Variants in ZNF787 observed in about 807,000 individuals in gnomAD.
ZNF787 encodes TTF-I-interacting peptide 20.
ZNF787 carries 7 observed loss-of-function variants against 16.9 expected under a neutral mutation model. The ratio of observed to expected loss-of-function variants is 0.42; its 90% confidence interval spans 0.24 to 0.78. ZNF787 has a LOEUF of 0.78. Among genes scored for constraint, ZNF787 ranks in the 30% least tolerant of loss-of-function variants. ZNF787 has a pLI of 0.30. For missense variants in ZNF787, 551 were observed against 589.3 expected, an observed-to-expected ratio of 0.94 and a Z score of 0.67; for synonymous variants, 345 against 270.9, an observed-to-expected ratio of 1.27 and a Z score of -2.69.
rs1361750526 is a variant in ZNF787, at chr19:56,089,066, C to T, written c.106G>A (p.Asp36Asn). 1 of 1,465,302 alleles carries T rather than the reference C, an allele frequency of 6.8e-7. No individual in the cohort carries two copies. Among genetic ancestry groups the T allele is most frequent in the Non-Finnish European group, 9.0e-7 (1 of 1,111,128 alleles). 90.8% of individuals were successfully genotyped at this position (1,465,302 alleles called of 1,614,324 possible). A position where few individuals can be genotyped will look rare whatever the true frequency, so the allele number is the denominator to read the frequency against. ...TTGGTGGGAGGCCAGCTGGGGACGTCGTCATCATCCATGATGAGGATGTCC... is the reference window on the plus strand; with the variant it reads ...TTGGTGGGAGGCCAGCTGGGGACGTTGTCATCATCCATGATGAGGATGTCC... The part of the protein sequence containing the change: ...PVDILIMDDD[D>N]VPSWPPTKLS... Residue 36 changes from aspartate to asparagine, a missense_variant, in exon 3 of 3, where the codon GAC becomes AAC. By Grantham distance (23) the Asp-to-Asn change is conservative. Transcript: ENST00000610935.
chr19:56,114,706 C>CTTCTA (rs2123429623), intron 1 of ZNF787, among the ~76,000 whole-genome samples: 1 of 152,250 alleles, frequency 6.6e-6, no homozygotes, highest in Admixed American at 6.5e-5. Context: ...GGTGATATCA[C>CTTCTA]TTCTATTGGT....
At position 56,087,670 on chromosome 19, in the gene ZNF787, C is replaced by G. The variant is rs1034714143; in HGVS notation, c.*353G>C. 2 of 191,560 alleles carry G rather than the reference C, an allele frequency of 1.0e-5. No individual in the cohort carries two copies. Among genetic ancestry groups the G allele is most frequent in the Admixed American group, 6.1e-5 (1 of 16,334 alleles). 11.9% of individuals were successfully genotyped at this position (191,560 alleles called of 1,614,324 possible). A position where few individuals can be genotyped will look rare whatever the true frequency, so the allele number is the denominator to read the frequency against. Reference sequence around the variant, plus strand: ...TTTCTCCATTCCTCGCAGCACCCCCCACCCCCGCCCCGGACAACTGAGGAA... The same window carrying G: ...TTTCTCCATTCCTCGCAGCACCCCCGACCCCCGCCCCGGACAACTGAGGAA... On this transcript the variant is annotated 3_prime_UTR_variant, in exon 3 of 3. Coordinates refer to ENST00000610935, the MANE Select transcript of ZNF787 (RefSeq NM_001002836.4).
At chr19:56,120,595 G>T (rs1004999071) in intron 1 of ZNF787, among the ~76,000 whole-genome samples, 1 of 151,182 alleles carries the variant, frequency 6.6e-6, no homozygotes, top group Non-Finnish European at 1.5e-5. Context: ...GCCCGCCCGG[G>T]GCAGCAACGG....
At chr19:56,106,421 G>A (rs1011123781) in intron 1 of ZNF787, among the ~76,000 whole-genome samples, 2 of 152,258 alleles carry the variant, frequency 1.3e-5, no homozygotes, top group African/African-American at 2.4e-5. Flanking sequence ...TATTTCTGTG[G>A]ACGTTCGCGT....
At chr19:56,092,011 C>A (rs984075749) in intron 2 of ZNF787, among the ~76,000 whole-genome samples, 76 of 88,540 alleles carry the variant, frequency 8.6e-4, no homozygotes, top group Non-Finnish European at 7.8e-4. Flanking sequence ...GAAGCCAAAG[C>A]CGAAACCGAA....
At chr19:56,120,640 T>TG (rs1173440590) in intron 1 of ZNF787, among the ~76,000 whole-genome samples, 1 of 151,102 alleles carries the variant, frequency 6.6e-6, no homozygotes, top group Non-Finnish European at 1.5e-5. Flanking sequence ...AAGGAAGGGC[T>TG]GGGGGGGCCG....
rs1432502337 is a variant in ZNF787, at chr19:56,088,069, G to GCCT, written c.1100_1102dup (p.Glu367dup). 1.6e-6 allele frequency: 2 copies of GCCT among 1,247,914 alleles called. No homozygotes were observed. Among genetic ancestry groups the GCCT allele is most frequent in the Non-Finnish European group, 2.0e-6 (2 of 976,782 alleles). The allele number at this position is 1,247,914 out of a possible 1,614,324, so 77.3% of individuals were successfully genotyped here. A position where few individuals can be genotyped will look rare whatever the true frequency, so the allele number is the denominator to read the frequency against. ...GCACTCGGGGCACCGCCCGCCCGCG[G>GCCT]CCTCGTCGTCGTCGTCCTCCTCCTC... is the stretch of plus-strand genomic sequence containing the variant. On this transcript the variant is annotated inframe_insertion, in exon 3 of 3. Transcript: ENST00000610935. The surrounding 1 kb of genome is among the most constrained non-coding windows in gnomAD (Gnocchi z 8.6).
At position 56,087,704 on chromosome 19, in the gene ZNF787, A is replaced by C; in HGVS notation, c.*319T>G. On this transcript the variant is annotated 3_prime_UTR_variant, in exon 3 of 3. Transcript: ENST00000610935. ...CCCGGACAACTGAGGAAGAGCAGGG[A>C]AAATGGCCTTCCGCTTGGGGCCTGG... 1.7e-4 allele frequency: 31 copies of C among 178,198 alleles called. No individual in the cohort carries two copies. Among genetic ancestry groups the C allele is most frequent in the East Asian group, 6.5e-4 (4 of 6,110 alleles). The allele number at this position is 178,198 out of a possible 1,614,324, so 11.0% of individuals were successfully genotyped here. A position where few individuals can be genotyped will look rare whatever the true frequency, so the allele number is the denominator to read the frequency against.
rs909353773 is a variant in ZNF787 at position 56,088,603 on chromosome 19, G to T, written c.569C>A (p.Pro190His). 1.3e-6 allele frequency: 2 copies of T among 1,519,448 alleles called. No individual in the cohort carries two copies. Among genetic ancestry groups the T allele is most frequent in the Non-Finnish European group, 1.8e-6 (2 of 1,140,486 alleles). 94.1% of individuals were successfully genotyped at this position (1,519,448 alleles called of 1,614,324 possible). The change falls in exon 3 of 3, where the codon CCC (proline) becomes CAC (histidine). Residue 190 changes from proline (P) to histidine (H), a missense_variant. Physicochemically the swap from Pro to His is moderately conservative, Grantham distance 77. Coordinates refer to ENST00000610935, the MANE Select transcript of ZNF787 (RefSeq NM_001002836.4). The surrounding 1 kb of genome is among the most constrained non-coding windows in gnomAD (Gnocchi z 8.6). ...CCGCAGGTGACGCGCGAGGCTCTTG[G>T]GCTGGCTGAAGCCGCGGCCGCAGCG... ...CPRCGRGFSQ[P>H]KSLARHLRLH...
intron 2 of ZNF787, among the ~76,000 whole-genome samples, chr19:56,100,727 C>A (rs1986060510): frequency 1.4e-5 from 2 of 142,710 alleles, no homozygotes; most frequent in South Asian, 2.2e-4. Flanking sequence ...GCCAGGCTAA[C>A]CCCCGCCACT....
At chr19:56,094,656 A>G (rs1285864223) in intron 2 of ZNF787, among the ~76,000 whole-genome samples, 1 of 152,060 alleles carries the variant, frequency 6.6e-6, no homozygotes, top group Non-Finnish European at 1.5e-5. Context: ...CTGTTCTTTC[A>G]CACGCTGCAC....
At chr19:56,100,772 A>T in intron 2 of ZNF787, among the ~76,000 whole-genome samples, 2 of 143,768 alleles carry the variant, frequency 1.4e-5, no homozygotes, top group East Asian at 2.1e-4. Flanking sequence ...ACTGTCACAC[A>T]GGAGGAATGC....
At chr19:56,117,624 G>A (rs549615852) in intron 1 of ZNF787, among the ~76,000 whole-genome samples, 3 of 152,374 alleles carry the variant, frequency 2.0e-5, no homozygotes, top group South Asian at 2.1e-4. Context: ...CTTGGACAAC[G>A]GCATTTGTCC....
At chr19:56,112,369 G>C (rs942518920) in intron 1 of ZNF787, among the ~76,000 whole-genome samples, 38 of 152,276 alleles carry the variant, frequency 2.5e-4, no homozygotes, top group African/African-American at 8.9e-4. Flanking sequence ...TACTCACCTG[G>C]CTCTGACCTC....
chr19:56,099,857 A>G (rs193014421), intron 2 of ZNF787, among the ~76,000 whole-genome samples: 110 of 152,100 alleles, frequency 7.2e-4, no homozygotes, highest in Non-Finnish European at 1.1e-3. Flanking sequence ...GACAGTGTGT[A>G]GGGCTGGGAG....
At chr19:56,106,697 C>T (rs890140288) in intron 1 of ZNF787, among the ~76,000 whole-genome samples, 1 of 81,312 alleles carries the variant, frequency 1.2e-5, no homozygotes, top group African/African-American at 4.8e-5. Flanking sequence ...CAGGCGAGGC[C>T]CCCTTGGGCT....
In ZNF787 at chr19:56,087,852, C is replaced by T. The variant is rs1223266839; in HGVS notation, c.*171G>A. The T allele has an allele frequency of 4.6e-6, 5 of 1,089,972 alleles. No individual in the cohort carries two copies. The highest frequency in any genetic ancestry group is 3.7e-5 in the East Asian group (1 of 26,966). 67.5% of individuals were successfully genotyped at this position (1,089,972 alleles called of 1,614,324 possible). A position where few individuals can be genotyped will look rare whatever the true frequency, so the allele number is the denominator to read the frequency against. ...GCGGAGAAGTGAACGGGCCCTAATA[C>T]GCCCCAGTGCCCCCCCACGGACGGC... On this transcript the variant is annotated 3_prime_UTR_variant, in exon 3 of 3. Coordinates refer to ENST00000610935, the MANE Select transcript of ZNF787 (RefSeq NM_001002836.4).
intron 1 of ZNF787, among the ~76,000 whole-genome samples, chr19:56,118,189 C>T (rs1487490193): frequency 6.6e-6 from 1 of 152,244 alleles, no homozygotes; most frequent in African/African-American, 2.4e-5. Flanking sequence ...TCGAACTCCA[C>T]ACCTGCCTTG....
intron 1 of ZNF787, among the ~76,000 whole-genome samples, chr19:56,120,310 G>A (rs1332612483): frequency 6.6e-6 from 1 of 152,026 alleles, no homozygotes; most frequent in Non-Finnish European, 1.5e-5. Flanking sequence ...ATGAATTGGG[G>A]TCAGCTCCCT....
Sources: allele counts gnomAD v4.1 joint callset (sites outside exome capture counted in the v4.1 genomes callset), GRCh38; gene constraint gnomAD v4.1.1; non-coding constraint Gnocchi (gnomAD v3.1); transcripts MANE v1.5; gene names NCBI Gene and HGNC (gene_info 2026-07-23, HGNC 2026-07-21).